KCNC4: variants seen among roughly 807,000 people sequenced by gnomAD.
KCNC4 encodes potassium voltage-gated channel subfamily C member 4, also known as voltage-gated potassium channel KCNC4.
In KCNC4, 23 loss-of-function variants were observed where a neutral mutation model predicts 42.8. That is an observed-to-expected ratio of 0.54 (90% CI 0.39 to 0.76). KCNC4 has a LOEUF of 0.76. Ranked by LOEUF, KCNC4 falls within the 30% of genes least tolerant of loss-of-function variation. The probability of loss-of-function intolerance (pLI) is 0.00; values close to 1 mark genes in which losing one functional copy is unlikely to be tolerated. For synonymous variants in KCNC4, 422 were observed against 393.5 expected, an observed-to-expected ratio of 1.07 and a Z score of -0.86; for missense variants, 751 against 898.2, an observed-to-expected ratio of 0.84 and a Z score of 2.10.
exon 4 of KCNC4, chr1:110,243,136 C>T (rs1659066640): frequency 6.6e-6 from 1 of 152,252 alleles, no homozygotes; most frequent in African/African-American, 2.4e-5. Flanking sequence ...GTGTGTCCTT[C>T]CCTATTGACA....
At chr1:110,213,079 C>G (rs1015925423) in intron 1 of KCNC4, among the ~76,000 whole-genome samples, 1 of 151,098 alleles carries the variant, frequency 6.6e-6, no homozygotes, top group African/African-American at 2.4e-5. Context: ...CAAGACCTAC[C>G]GCCTCCTCCC....
At chr1:110,268,188 T>A (rs760425011) in intron 1 of KCNC4, among the ~76,000 whole-genome samples, 3 of 152,244 alleles carry the variant, frequency 2.0e-5, no homozygotes, top group Non-Finnish European at 4.4e-5. Context: ...CCACCTGGTC[T>A]TGAGACCCCC....
intron 1 of KCNC4, among the ~76,000 whole-genome samples, chr1:110,281,098 A>G (rs1349196975): frequency 1.3e-5 from 2 of 152,186 alleles, no homozygotes; most frequent in African/African-American, 4.8e-5. Flanking sequence ...TCTGGATAGC[A>G]AGGTAAAGAA....
chr1:110,250,814 G>A (rs1478561789), downstream of KCNC4, among the ~76,000 whole-genome samples: 1 of 152,164 alleles, frequency 6.6e-6, no homozygotes, highest in African/African-American at 2.4e-5. Context: ...CTAGGAGGAG[G>A]AGGAGAGGAG....
intron 3 of KCNC4, among the ~76,000 whole-genome samples, chr1:110,231,523 T>TCATCCTAGACC (rs71704561): frequency 6.6e-6 from 1 of 152,044 alleles, no homozygotes; most frequent in Non-Finnish European, 1.5e-5. Flanking sequence ...TCCTTCTGTC[T>TCATCCTAGACC]CATCCTAGAC....
chr1:110,248,561 T>G (rs1659196897), exon 4 of KCNC4: 1 of 152,168 alleles, frequency 6.6e-6, no homozygotes, highest in Non-Finnish European at 1.5e-5. Flanking sequence ...TTTTAAAAAA[T>G]TATTTTGGCG....
At chr1:110,251,925 C>T (rs1021751703), downstream of KCNC4, among the ~76,000 whole-genome samples, 15 of 152,228 alleles carry the variant, frequency 9.9e-5, no homozygotes, top group Admixed American at 8.5e-4. Flanking sequence ...CCTGCCTCTC[C>T]TTACTTCATG....
chr1:110,218,410 C>G (rs1657918579), intron 1 of KCNC4, among the ~76,000 whole-genome samples: 1 of 152,140 alleles, frequency 6.6e-6, no homozygotes, highest in African/African-American at 2.4e-5. Flanking sequence ...CAGGGCTGTT[C>G]AGGTGTCACC....
intron 3 of KCNC4, chr1:110,229,028 A>G (rs1006696037): frequency 2.6e-5 from 4 of 152,066 alleles, no homozygotes. Flanking sequence ...CCAGGCGTTT[A>G]TGTGTGCACA....
At chr1:110,279,378 C>A (rs1659782772) in intron 1 of KCNC4, among the ~76,000 whole-genome samples, 1 of 152,172 alleles carries the variant, frequency 6.6e-6, no homozygotes, top group African/African-American at 2.4e-5. Flanking sequence ...ATTGTAAGTT[C>A]CTTGCGGGCA....
chr1:110,254,102 G>GA (rs1459727491), downstream of KCNC4, among the ~76,000 whole-genome samples: 4 of 61,780 alleles, frequency 6.5e-5, no homozygotes, highest in Non-Finnish European at 1.7e-4. Flanking sequence ...GGGGGGGGGC[G>GA]GCGTTTCTGT....
rs144974937 is a variant in KCNC4 at position 110,263,514 on chromosome 1, G to A, written n.31-19020G>A. ...CCTTCAGCCAGAAAGGATGATCAAG[G>A]TTAAATAGGAGCACGTTTGGGCAAC... On this transcript the variant is annotated intron_variant and non_coding_transcript_variant, in intron 1 of 2. Transcript: ENST00000412512. Among the ~76,000 whole-genome samples the A allele has an allele frequency of 3.0e-3, 461 of 152,176 alleles. 2 individuals are homozygous for A. The highest frequency in any genetic ancestry group is 9.5e-3 in the African/African-American group (393 of 41,504).
At chr1:110,280,140 C>G (rs894340855) in intron 1 of KCNC4, among the ~76,000 whole-genome samples, 3 of 151,910 alleles carry the variant, frequency 2.0e-5, no homozygotes, top group Non-Finnish European at 4.4e-5. Context: ...AAACATTGAC[C>G]CACTAGATGA....
chr1:110,275,358 A>C (rs1204517282), intron 1 of KCNC4, among the ~76,000 whole-genome samples: 2 of 152,204 alleles, frequency 1.3e-5, no homozygotes, highest in Non-Finnish European at 2.9e-5. Flanking sequence ...AAGTCAAAAA[A>C]ATAGATGTTG....
chr1:110,278,257 G>A lies in KCNC4; in HGVS notation n.31-4277G>A, dbSNP rs528894218. ...CCAAAGAACATACTAAATGTCCCTT[G>A]GGCAGATCACCTTTCTGGACCTCAG... On this transcript the variant is annotated intron_variant and non_coding_transcript_variant, in intron 1 of 2. Coordinates refer to the KCNC4 transcript ENST00000412512. 6.6e-5 allele frequency among the ~76,000 whole-genome samples: 10 copies of A among 152,252 alleles called. No homozygotes were observed. In the East Asian group the frequency reaches 1.9e-3, roughly 29 times the overall value.
chr1:110,228,276 A>T (rs770103783), intron 3 of KCNC4, among the ~76,000 whole-genome samples: 8 of 152,140 alleles, frequency 5.3e-5, no homozygotes, highest in Admixed American at 3.3e-4. Context: ...CTGATGCTGG[A>T]GGCTGTGGGG....
At chr1:110,215,762 A>C (rs1657763146) in intron 1 of KCNC4, among the ~76,000 whole-genome samples, 1 of 152,182 alleles carries the variant, frequency 6.6e-6, no homozygotes, top group Non-Finnish European at 1.5e-5. Context: ...GATATTGTTA[A>C]CATCTGTGTA....
intron 1 of KCNC4, among the ~76,000 whole-genome samples, chr1:110,217,383 A>G (rs1657854764): frequency 6.6e-6 from 1 of 152,184 alleles, no homozygotes; most frequent in South Asian, 2.1e-4. Flanking sequence ...TCAAAGAGTC[A>G]CATTATAAAT....
chr1:110,228,357 C>G (rs1211902848), intron 3 of KCNC4, among the ~76,000 whole-genome samples: 1 of 152,098 alleles, frequency 6.6e-6, no homozygotes, highest in Admixed American at 6.5e-5. Context: ...CAAAAGTCAG[C>G]TGGGTGTGGG....
Sources: allele counts gnomAD v4.1 joint callset (sites outside exome capture counted in the v4.1 genomes callset), GRCh38; gene constraint gnomAD v4.1.1; transcripts MANE v1.5; gene names NCBI Gene and HGNC (gene_info 2026-07-23, HGNC 2026-07-21).